The following BRSK2 variants were observed in gnomAD, a reference collection of about 807,000 sequenced individuals.
The protein encoded by BRSK2 is BR serine/threonine kinase 2.
BRSK2 carries 19 observed loss-of-function variants against 83.3 expected under a neutral mutation model. That is an observed-to-expected ratio of 0.23 (90% CI 0.16 to 0.33). BRSK2 has a LOEUF of 0.33. Ranked by LOEUF, BRSK2 falls within the 10% of genes least tolerant of loss-of-function variation. The pLI, the probability that BRSK2 is intolerant of heterozygous loss-of-function variation, is 1.00. For synonymous variants in BRSK2, 519 were observed against 435.4 expected, an observed-to-expected ratio of 1.19 and a Z score of -2.39; for missense variants, 798 against 1,042.3, an observed-to-expected ratio of 0.77 and a Z score of 3.23.
chr11:1,397,347 C>T (rs1042786887), intron 1 of BRSK2, among the ~76,000 whole-genome samples: 3 of 152,206 alleles, frequency 2.0e-5, no homozygotes, highest in Admixed American at 2.0e-4. Flanking sequence ...CCTTTCAGGG[C>T]CCGGCCTGCC....
chr11:1,407,234 A>G (rs1399119987), intron 1 of BRSK2, among the ~76,000 whole-genome samples: 1 of 151,954 alleles, frequency 6.6e-6, no homozygotes, highest in Non-Finnish European at 1.5e-5. Flanking sequence ...GCCCTCTCTG[A>G]GCTTGGTGTG....
At chr11:1,417,629 C>T (rs1428944113) in intron 1 of BRSK2, among the ~76,000 whole-genome samples, 39 of 144,152 alleles carry the variant, frequency 2.7e-4, no homozygotes, top group Non-Finnish European at 5.0e-4. Flanking sequence ...TCACCTGTGT[C>T]CTGCTTCTGT....
intron 8 of BRSK2, among the ~76,000 whole-genome samples, chr11:1,444,190 TG>T (rs995150585): frequency 4.1e-5 from 6 of 145,074 alleles, no homozygotes; most frequent in African/African-American, 1.5e-4. Context: ...CAGACGCTGC[TG>T]GGGCAAGCTC....
At chr11:1,444,766 A>G (rs1181023222) in intron 8 of BRSK2, among the ~76,000 whole-genome samples, 1 of 148,630 alleles carries the variant, frequency 6.7e-6, no homozygotes, top group Non-Finnish European at 1.5e-5. Flanking sequence ...TCCACTTGGG[A>G]GAGGCAGGAG....
intron 1 of BRSK2, among the ~76,000 whole-genome samples, chr11:1,426,785 T>G (rs369682201): frequency 1.7e-3 from 256 of 151,990 alleles, no homozygotes; most frequent in African/African-American, 5.8e-3. Context: ...AGACACAGGA[T>G]GTGGCGGGGC....
intron 18 of BRSK2, among the ~76,000 whole-genome samples, chr11:1,458,655 T>A (rs1846973803): frequency 6.6e-6 from 1 of 152,114 alleles, no homozygotes; most frequent in Non-Finnish European, 1.5e-5. Flanking sequence ...CAGGCGCCAG[T>A]GAGGGCCTTG....
chr11:1,452,494 G>A (rs1050611774), intron 15 of BRSK2, among the ~76,000 whole-genome samples: 2 of 152,212 alleles, frequency 1.3e-5, no homozygotes, highest in African/African-American at 4.8e-5. Context: ...CATCAAAGCC[G>A]AGAAGGTGGC....
At chr11:1,400,601 C>T (rs908154644) in intron 1 of BRSK2, among the ~76,000 whole-genome samples, 2 of 152,204 alleles carry the variant, frequency 1.3e-5, no homozygotes, top group Non-Finnish European at 1.5e-5. Flanking sequence ...GCCCTGCCCG[C>T]CTGGGGACAC....
chr11:1,444,806 C>T (rs906478267), intron 8 of BRSK2, among the ~76,000 whole-genome samples, 165 bp from the exon 9 acceptor site: 5 of 151,848 alleles, frequency 3.3e-5, no homozygotes, highest in Non-Finnish European at 7.4e-5. Context: ...CCTCTGGGAA[C>T]GCAGCCCCCT....
At chr11:1,441,011 G>T in intron 4 of BRSK2, 83 bp downstream of exon 4, 1 of 1,209,228 alleles carries the variant, frequency 8.3e-7, no homozygotes, top group Non-Finnish European at 1.1e-6. Context: ...TGTGCCCCAA[G>T]GACTACACCC....
chr11:1,423,236 C>T lies in BRSK2; in HGVS notation c.92-12804C>T, dbSNP rs535729706. Reference sequence around the variant, plus strand: ...GGGTACGTGGTGGAGACGGTGGGGTCGTGGCCGTCCAGGCTTCAGAAACGG... The same window carrying T: ...GGGTACGTGGTGGAGACGGTGGGGTTGTGGCCGTCCAGGCTTCAGAAACGG... On this transcript the variant is annotated intron_variant, in intron 1 of 19. Transcript: ENST00000528841. The surrounding 1 kb of genome is among the most constrained non-coding windows in gnomAD (Gnocchi z 6.5). Among the ~76,000 whole-genome samples, 51 of 152,180 alleles carry T rather than the reference C, an allele frequency of 3.4e-4. No homozygotes were observed. The highest frequency in any genetic ancestry group is 1.2e-3 in the African/African-American group (48 of 41,526).
At chr11:1,428,243 C>T (rs933940675) in intron 1 of BRSK2, among the ~76,000 whole-genome samples, 5 of 152,158 alleles carry the variant, frequency 3.3e-5, no homozygotes, top group Admixed American at 1.3e-4. Flanking sequence ...GTGGCTGTGG[C>T]TCCTCTGTGA....
At chr11:1,437,205 A>T (rs1850431585) in intron 2 of BRSK2, among the ~76,000 whole-genome samples, 1 of 152,058 alleles carries the variant, frequency 6.6e-6, no homozygotes, top group Non-Finnish European at 1.5e-5. Flanking sequence ...GGGCCTGGGG[A>T]TGCGGGAAAG....
intron 1 of BRSK2, among the ~76,000 whole-genome samples, chr11:1,398,423 C>T (rs571176274): frequency 6.6e-5 from 10 of 152,224 alleles, no homozygotes; most frequent in Non-Finnish European, 1.2e-4. Context: ...GTGTGGTACC[C>T]GCCCCGGGAA....
intron 3 of BRSK2, among the ~76,000 whole-genome samples, chr11:1,440,399 G>T (rs1241538427): frequency 1.3e-5 from 2 of 152,102 alleles, no homozygotes; most frequent in Non-Finnish European, 2.9e-5. Flanking sequence ...GGACCACAGG[G>T]TGTGAGGGCC....
chr11:1,461,236 G>T lies in BRSK2; in HGVS notation c.*513G>T. On this transcript the variant is annotated 3_prime_UTR_variant, in exon 20 of 20. Transcript: ENST00000528841. ...CCTCAGCAAGAACAGCCTGCCTGGT[G>T]GCCTTCTGGGGCCAGGACCCCTGGT... The T allele has an allele frequency of 1.7e-6, 1 of 589,826 alleles. No individual in the cohort carries two copies. The highest frequency in any genetic ancestry group is 2.9e-6 in the Non-Finnish European group (1 of 345,522). The allele number at this position is 589,826 out of a possible 1,614,324, so 36.5% of individuals were successfully genotyped here.
intron 1 of BRSK2, chr11:1,411,732 C>A: frequency 6.7e-7 from 1 of 1,486,946 alleles, no homozygotes; most frequent in Non-Finnish European, 9.0e-7. Flanking sequence ...GGGACCTCGC[C>A]AGCACTGGTG....
chr11:1,411,237 C>G (rs993671295), intron 1 of BRSK2: 2 of 1,267,644 alleles, frequency 1.6e-6, no homozygotes, highest in African/African-American at 3.1e-5. Context: ...CTCTGAGCTT[C>G]CTTCCTCACA....
At chr11:1,448,446 C>G (rs777931226) in intron 12 of BRSK2, among the ~76,000 whole-genome samples, 34 of 152,232 alleles carry the variant, frequency 2.2e-4, no homozygotes, top group Non-Finnish European at 3.8e-4. Context: ...TGGCTGCCCT[C>G]AGGGCTGGCG....
Sources: gnomAD v4.1 joint callset for allele counts (sites outside exome capture counted in the v4.1 genomes callset) on GRCh38, gnomAD v4.1.1 for gene constraint, Gnocchi (gnomAD v3.1) non-coding constraint, MANE v1.5 for transcripts, NCBI Gene and HGNC (gene_info 2026-07-23, HGNC 2026-07-21) for gene names.